The following ATRNL1 variants were observed in gnomAD, a reference collection of about 807,000 sequenced individuals.
ATRNL1 encodes the protein attractin-like protein 1.
Under a neutral mutation model 182.7 loss-of-function variants are expected in ATRNL1, and 95 were observed. The observed-to-expected ratio is 0.52, with a 90% confidence interval of 0.44 to 0.62. The LOEUF is 0.62. Ranked by LOEUF, ATRNL1 falls within the 20% of genes least tolerant of loss-of-function variation. The pLI, the probability that ATRNL1 is intolerant of heterozygous loss-of-function variation, is 0.00. For missense variants in ATRNL1, 1,471 were observed against 1,679.5 expected, an observed-to-expected ratio of 0.88 and a Z score of 2.17; for synonymous variants, 576 against 568.3, an observed-to-expected ratio of 1.01 and a Z score of -0.19.
At chr10:115,655,526 T>C (rs1167486504) in intron 26 of ATRNL1, among the ~76,000 whole-genome samples, 1 of 152,202 alleles carries the variant, frequency 6.6e-6, no homozygotes, top group Admixed American at 6.5e-5. Flanking sequence ...CATTCTGTGA[T>C]AACTACTTCT....
At chr10:115,600,681 C>T (rs540337058) in intron 26 of ATRNL1, among the ~76,000 whole-genome samples, 1 of 151,972 alleles carries the variant, frequency 6.6e-6, no homozygotes, top group Admixed American at 6.6e-5. Flanking sequence ...GGTCTATAAG[C>T]TTGCTTTGTA....
chr10:115,361,866 T>C (rs1187997824), intron 19 of ATRNL1, among the ~76,000 whole-genome samples: 2 of 152,094 alleles, frequency 1.3e-5, no homozygotes, highest in Admixed American at 6.6e-5. Context: ...GTTTAAATTA[T>C]TGTTTATGAT....
chr10:115,397,652 C>T (rs1292576852), intron 20 of ATRNL1, among the ~76,000 whole-genome samples: 1 of 151,578 alleles, frequency 6.6e-6, no homozygotes, highest in Non-Finnish European at 1.5e-5. Flanking sequence ...TGAACTAGAA[C>T]CTGAAGGAGT....
chr10:115,598,061 G>A (rs1856366752), intron 26 of ATRNL1: 1 of 154,604 alleles, frequency 6.5e-6, no homozygotes, highest in African/African-American at 2.4e-5. Flanking sequence ...TTTGAACATG[G>A]TAAGTTAACT....
intron 15 of ATRNL1, among the ~76,000 whole-genome samples, chr10:115,290,223 A>T (rs1852829213): frequency 6.6e-6 from 1 of 152,122 alleles, no homozygotes; most frequent in Non-Finnish European, 1.5e-5. Context: ...TTGTAACCTG[A>T]AACTTTGCTG....
At chr10:115,513,997 G>A (rs141216446) in intron 24 of ATRNL1, among the ~76,000 whole-genome samples, 2 of 151,846 alleles carry the variant, frequency 1.3e-5, no homozygotes, top group Admixed American at 1.3e-4. Context: ...CAGTTTTTAA[G>A]AAAGTCTGTA....
chr10:115,660,590 G>A (rs781951347), intron 26 of ATRNL1, among the ~76,000 whole-genome samples: 12 of 151,972 alleles, frequency 7.9e-5, no homozygotes, highest in Admixed American at 1.3e-4. Context: ...TTTTAAGAAC[G>A]CTTCAGGATG....
intron 9 of ATRNL1, among the ~76,000 whole-genome samples, chr10:115,234,302 A>G (rs1488210023): frequency 2.0e-5 from 3 of 152,044 alleles, no homozygotes; most frequent in South Asian, 2.1e-4. Flanking sequence ...AGTATCTGCA[A>G]TATCTGTAGT....
chr10:115,211,749 C>T (rs1849033696), intron 8 of ATRNL1, among the ~76,000 whole-genome samples: 1 of 150,684 alleles, frequency 6.6e-6, no homozygotes, highest in Non-Finnish European at 1.5e-5. Context: ...TCTCCTAATG[C>T]TATCCCTCCC....
chr10:115,281,656 A>G (rs1039216134), intron 14 of ATRNL1, among the ~76,000 whole-genome samples, 169 bp downstream of exon 14: 6 of 152,112 alleles, frequency 3.9e-5, no homozygotes, highest in African/African-American at 1.4e-4. Flanking sequence ...AAGTTTTTTG[A>G]TTACATATTT....
chr10:115,840,669 C>G (rs1304985415), intron 27 of ATRNL1, among the ~76,000 whole-genome samples: 1 of 152,026 alleles, frequency 6.6e-6, no homozygotes, highest in Non-Finnish European at 1.5e-5. Flanking sequence ...TACACTTCCT[C>G]TCAATGCTTA....
intron 26 of ATRNL1, among the ~76,000 whole-genome samples, chr10:115,590,806 A>T (rs1855852940): frequency 6.6e-6 from 1 of 152,202 alleles, no homozygotes; most frequent in Admixed American, 6.5e-5. Flanking sequence ...AGATGGACAC[A>T]TATAGTAGTC....
chr10:115,253,969 C>T (rs1362291969), intron 10 of ATRNL1, among the ~76,000 whole-genome samples: 1 of 152,148 alleles, frequency 6.6e-6, no homozygotes, highest in Non-Finnish European at 1.5e-5. Context: ...ATGAACTCAT[C>T]CTTTTTTATG....
intron 24 of ATRNL1, among the ~76,000 whole-genome samples, chr10:115,484,487 T>G (rs1848923723): frequency 6.6e-6 from 1 of 151,648 alleles, no homozygotes; most frequent in Admixed American, 6.6e-5. Flanking sequence ...GTCTTCATAC[T>G]TTTATTATAT....
chr10:115,872,591 T>C (rs1951609938), intron 28 of ATRNL1, among the ~76,000 whole-genome samples: 1 of 152,156 alleles, frequency 6.6e-6, no homozygotes, highest in Non-Finnish European at 1.5e-5. Flanking sequence ...AGGGAATGAC[T>C]AGGTAGAAGT....
intron 5 of ATRNL1, among the ~76,000 whole-genome samples, chr10:115,147,165 A>G (rs1554879582): frequency 6.6e-6 from 1 of 152,110 alleles, no homozygotes; most frequent in African/African-American, 2.4e-5. Context: ...AATAATAACC[A>G]TTTTAACTAA....
At chr10:115,531,471 G>C (rs1437010288) in intron 25 of ATRNL1, among the ~76,000 whole-genome samples, 1 of 151,960 alleles carries the variant, frequency 6.6e-6, no homozygotes, top group Non-Finnish European at 1.5e-5. Context: ...TTTTTGATGG[G>C]GTTGTTTGTT....
At chr10:115,549,866 C>T (rs1852866433) in intron 26 of ATRNL1, among the ~76,000 whole-genome samples, 1 of 151,794 alleles carries the variant, frequency 6.6e-6, no homozygotes, top group Non-Finnish European at 1.5e-5. Flanking sequence ...CTTTATTTTT[C>T]ATAAGCGTCT....
intron 26 of ATRNL1, among the ~76,000 whole-genome samples, chr10:115,660,605 C>A (rs7089599): frequency 0.57 from 86,608 of 151,728 alleles, 25,393 homozygotes; most frequent in East Asian, 0.96. Flanking sequence ...AGGATGACAC[C>A]TAAGTAAGGA....
Sources: gnomAD v4.1 joint callset for allele counts (sites outside exome capture counted in the v4.1 genomes callset) on GRCh38, gnomAD v4.1.1 for gene constraint, MANE v1.5 for transcripts, NCBI Gene and HGNC (gene_info 2026-07-23, HGNC 2026-07-21) for gene names.